Variants in ARHGAP15 observed in about 807,000 individuals in gnomAD.
ARHGAP15 encodes the protein rho GTPase-activating protein 15.
In ARHGAP15, 51 loss-of-function variants were observed where a neutral mutation model predicts 63.7. That is an observed-to-expected ratio of 0.80 (90% confidence interval 0.64 to 1.01). ARHGAP15 has a LOEUF of 1.01. ARHGAP15 is among the 50% of genes least tolerant of loss of function. The pLI is 0.00. For missense variants in ARHGAP15, 560 were observed against 564.6 expected (o/e 0.99, Z 0.08); for synonymous variants, 191 against 193.8 (o/e 0.99, Z 0.12).
chr2:143,271,896 G>T (rs1356672929), intron 6 of ARHGAP15, among the ~76,000 whole-genome samples: 1 of 152,178 alleles, frequency 6.6e-6, no homozygotes. Context: ...ATTAAAAGGA[G>T]ATGGATTTAT....
intron 6 of ARHGAP15, among the ~76,000 whole-genome samples, chr2:143,273,789 T>A (rs1345348381): frequency 6.6e-6 from 1 of 152,204 alleles, no homozygotes; most frequent in African/African-American, 2.4e-5. Context: ...CATTTCCATA[T>A]TTTATTCCTA....
chr2:143,488,588 G>A (rs1574518946), intron 9 of ARHGAP15, among the ~76,000 whole-genome samples: 1 of 152,262 alleles, frequency 6.6e-6, no homozygotes, highest in South Asian at 2.1e-4. Flanking sequence ...AAGCTGAAAG[G>A]CTAAACTTTA....
intron 10 of ARHGAP15, among the ~76,000 whole-genome samples, chr2:143,526,594 CT>C (rs1028019643): frequency 2.6e-5 from 4 of 152,122 alleles, no homozygotes; most frequent in African/African-American, 9.7e-5. Flanking sequence ...AGTTCTAGGA[CT>C]GGGAGTTTTC....
At chr2:143,527,635 G>A (rs1286505371) in intron 10 of ARHGAP15, among the ~76,000 whole-genome samples, 1 of 151,908 alleles carries the variant, frequency 6.6e-6, no homozygotes, top group Non-Finnish European at 1.5e-5. Flanking sequence ...TTTTTAAGAA[G>A]ATAATAATGT....
chr2:143,526,991 G>C (rs1376219766), intron 10 of ARHGAP15, among the ~76,000 whole-genome samples: 1 of 151,882 alleles, frequency 6.6e-6, no homozygotes, highest in East Asian at 1.9e-4. Flanking sequence ...ATTTCCCTAG[G>C]GTTTAAAAAT....
At chr2:143,742,331 A>C (rs1685992952) in intron 13 of ARHGAP15, among the ~76,000 whole-genome samples, 1 of 152,222 alleles carries the variant, frequency 6.6e-6, no homozygotes, top group South Asian at 2.1e-4. Flanking sequence ...CTGCAGATGG[A>C]AACACAGGAT....
chr2:143,378,266 C>T (rs2104933474), intron 6 of ARHGAP15, among the ~76,000 whole-genome samples: 1 of 152,072 alleles, frequency 6.6e-6, no homozygotes, highest in Admixed American at 6.5e-5. Context: ...GTTAGAAATT[C>T]AAAGCCATTC....
intron 13 of ARHGAP15, among the ~76,000 whole-genome samples, chr2:143,761,843 C>T (rs891278780): frequency 3.9e-5 from 6 of 152,038 alleles, no homozygotes; most frequent in African/African-American, 1.4e-4. Flanking sequence ...GTAGCACTCA[C>T]ATTTCCTTTT....
chr2:143,539,244 A>G lies in ARHGAP15; in HGVS notation c.926-17164A>G, dbSNP rs181893844. On this transcript the variant is annotated intron_variant, in intron 10 of 13. Transcript: ENST00000295095. ...AGTGATATCCCCTTTGTCATTTTTT[A>G]TTGCGTCTATTTGATTCTTCTCTCT... Among the ~76,000 whole-genome samples the G allele has an allele frequency of 4.6e-5, 7 of 151,944 alleles. No homozygotes were observed. The East Asian group carries it at 1.4e-3, about 29-fold the overall frequency.
intron 8 of ARHGAP15, among the ~76,000 whole-genome samples, chr2:143,458,465 G>A (rs1245961424): frequency 1.3e-5 from 2 of 152,120 alleles, no homozygotes; most frequent in Non-Finnish European, 1.5e-5. Flanking sequence ...CAATGACTCT[G>A]CGCACTACCT....
intron 12 of ARHGAP15, among the ~76,000 whole-genome samples, chr2:143,667,666 T>C (rs1220566142): frequency 6.6e-6 from 1 of 150,946 alleles, no homozygotes; most frequent in Non-Finnish European, 1.5e-5. Context: ...TTTATCATAA[T>C]TTGTGATAAC....
intron 12 of ARHGAP15, among the ~76,000 whole-genome samples, chr2:143,674,635 T>A (rs1189477538): frequency 6.6e-6 from 1 of 152,176 alleles, no homozygotes. Flanking sequence ...AAAGTGAATA[T>A]TGCAACAAAG....
At chr2:143,224,053 G>T (rs1367856980) in intron 4 of ARHGAP15, among the ~76,000 whole-genome samples, 1 of 152,160 alleles carries the variant, frequency 6.6e-6, no homozygotes, top group Non-Finnish European at 1.5e-5. Flanking sequence ...GTTTAATGGA[G>T]ACATGTGACC....
At chr2:143,462,034 G>A (rs927934242) in intron 8 of ARHGAP15, among the ~76,000 whole-genome samples, 1 of 151,946 alleles carries the variant, frequency 6.6e-6, no homozygotes, top group Non-Finnish European at 1.5e-5. Context: ...GCAGCTACTC[G>A]GAGTAGTTCC....
At position 143,665,198 on chromosome 2, in the gene ARHGAP15, A is replaced by G. The variant is rs1682092493; in HGVS notation, c.1139-38221A>G. ...ATACTGGCAAAACGAATCCAGCAGC[A>G]CATCATAAAGCTTATCCACCATGAT... On this transcript the variant is annotated intron_variant, in intron 12 of 13. Coordinates refer to ENST00000295095, the MANE Select transcript of ARHGAP15 (RefSeq NM_018460.4). Among the ~76,000 whole-genome samples, 3 of 147,694 alleles carry G rather than the reference A, an allele frequency of 2.0e-5. No homozygotes were observed. In the South Asian group the frequency reaches 6.6e-4, roughly 33 times the overall value.
In ARHGAP15 at chr2:143,153,839, CT is replaced by C. The variant is rs1553440923; in HGVS notation, c.-14-1636del. Among the ~76,000 whole-genome samples the C allele has an allele frequency of 1.8e-3, 141 of 76,436 alleles. 1 individual carries two copies. The highest frequency in any genetic ancestry group is 2.1e-3 in the Non-Finnish European group (78 of 37,500). The allele number at this position is 76,436 out of a possible 152,430, so 50.1% of individuals were successfully genotyped here. A position where few individuals can be genotyped will look rare whatever the true frequency, so the allele number is the denominator to read the frequency against. On this transcript the variant is annotated intron_variant, in intron 1 of 13. Transcript: ENST00000295095. ...TCTTCTTCTTCTTCTTCTTCTTCTT[CT>C]TCTTCCTCCTCCTCCTCCTCCTCCT...
chr2:143,493,298 T>A (rs1466242193), intron 9 of ARHGAP15, among the ~76,000 whole-genome samples: 1 of 152,170 alleles, frequency 6.6e-6, no homozygotes, highest in Non-Finnish European at 1.5e-5. Context: ...TTTTTCATAT[T>A]TTGGACTAAA....
chr2:143,465,298 G>A (rs1043130005), intron 8 of ARHGAP15, among the ~76,000 whole-genome samples: 12 of 152,164 alleles, frequency 7.9e-5, no homozygotes, highest in Non-Finnish European at 5.9e-5. Context: ...AGTTTTAAAC[G>A]AATTTCTGTG....
intron 6 of ARHGAP15, among the ~76,000 whole-genome samples, chr2:143,309,188 C>CTA (rs1229943197): frequency 6.6e-6 from 1 of 152,022 alleles, no homozygotes; most frequent in Non-Finnish European, 1.5e-5. Flanking sequence ...TCCCTTCATG[C>CTA]TATACCTCTA....
Sources: allele counts gnomAD v4.1 joint callset (sites outside exome capture counted in the v4.1 genomes callset), GRCh38; gene constraint gnomAD v4.1.1; transcripts MANE v1.5; gene names NCBI Gene and HGNC (gene_info 2026-07-23, HGNC 2026-07-21).